The following PURG variants were observed in gnomAD, a reference collection of about 807,000 sequenced individuals.
PURG encodes purine rich element binding protein G.
In PURG, 3 loss-of-function variants were observed where a neutral mutation model predicts 24.3. The ratio of observed to expected loss-of-function variants is 0.12; its 90% CI spans 0.06 to 0.32. The LOEUF (loss-of-function observed/expected upper bound fraction) is 0.32, where lower values mean the gene tolerates loss of function less well. PURG is among the 10% of genes least tolerant of loss of function. The pLI is 1.00. For synonymous variants in PURG, 180 were observed against 173.1 expected (o/e 1.04, Z -0.31); for missense variants, 371 against 439.1 (o/e 0.84, Z 1.39).
chr8:31,024,413 T>G (rs898374166), intron 1 of PURG, among the ~76,000 whole-genome samples: 7 of 152,138 alleles, frequency 4.6e-5, no homozygotes, highest in African/African-American at 1.7e-4. Flanking sequence ...CCAACAGAAG[T>G]TGAATGATTT....
chr8:31,016,581 C>CAAAAAAAAAAAAAAAAAAAAAAAAAAAAA (rs11433207), intron 1 of PURG, among the ~76,000 whole-genome samples: 1 of 57,532 alleles, frequency 1.7e-5, no homozygotes, highest in African/African-American at 7.2e-5. Context: ...TACCAAGAAC[C>CAAAAAAAAAAAAAAAAAAAAAAAAAAAAA]AAAAAAAAAA....
At chr8:31,014,760 A>G (rs1416582163) in intron 1 of PURG, among the ~76,000 whole-genome samples, 3 of 152,228 alleles carry the variant, frequency 2.0e-5, no homozygotes, top group African/African-American at 7.2e-5. Context: ...GGAAAAAGCC[A>G]AGGAAATTCT....
intron 1 of PURG, among the ~76,000 whole-genome samples, chr8:31,008,425 T>C (rs964591206): frequency 6.6e-6 from 1 of 152,168 alleles, no homozygotes; most frequent in Non-Finnish European, 1.5e-5. Flanking sequence ...TGACTCAGCC[T>C]CCCGAGTAGC....
rs1811293924 is a variant in PURG at position 31,033,214 on chromosome 8, C to T, written c.-143G>A. 1.0e-5 allele frequency: 2 copies of T among 191,040 alleles called. No individual in the cohort carries two copies. The highest frequency in any genetic ancestry group is 2.4e-5 in the African/African-American group (1 of 41,902). The allele number at this position is 191,040 out of a possible 1,614,324, so 11.8% of individuals were successfully genotyped here. On this transcript the variant is annotated 5_prime_UTR_variant, in exon 1 of 2. Coordinates refer to ENST00000523392, the MANE Select transcript of PURG (RefSeq NM_001323311.2). ...TCCCCCGCCGCCGCCGCTCGCACTGCCCCCCGCCGGAGCAGCCGGGCAGGG... is the reference window on the plus strand; with the variant it reads ...TCCCCCGCCGCCGCCGCTCGCACTGTCCCCCGCCGGAGCAGCCGGGCAGGG...
Position 31,016,584 on chromosome 8 carries a change from A to C in PURG, c.864+15335T>G, listed in dbSNP as rs1418551884. Among the ~76,000 whole-genome samples, 6 of 138,058 alleles carry C rather than the reference A, an allele frequency of 4.3e-5. 1 individual carries two copies. Among genetic ancestry groups the C allele is most frequent in the Admixed American group, 7.8e-5 (1 of 12,794 alleles). 90.6% of individuals were successfully genotyped at this position (138,058 alleles called of 152,430 possible). A position where few individuals can be genotyped will look rare whatever the true frequency, so the allele number is the denominator to read the frequency against. On this transcript the variant is annotated intron_variant, in intron 1 of 1. Coordinates refer to the PURG transcript ENST00000339382. The stretch of plus-strand genomic sequence containing the variant: ...AGAATGCAAGTCTACCAAGAACCAA[A>C]AAAAAAAAAAAAAAAAAAAAAAAAA...
At chr8:31,010,328 G>A (rs557951115) in intron 1 of PURG, among the ~76,000 whole-genome samples, 5 of 152,138 alleles carry the variant, frequency 3.3e-5, no homozygotes, top group Non-Finnish European at 7.3e-5. Context: ...CTCAGGCAGG[G>A]AGTCTTAAGC....
chr8:31,011,834 G>A (rs1810770019), intron 1 of PURG, among the ~76,000 whole-genome samples: 1 of 152,172 alleles, frequency 6.6e-6, no homozygotes, highest in Non-Finnish European at 1.5e-5. Flanking sequence ...CATTGAATGA[G>A]TAGAGGAACA....
At position 31,004,693 on chromosome 8, in the gene PURG, A is replaced by AATAT. The variant is rs1189840361; in HGVS notation, c.865-8000_865-7997dup. Among the ~76,000 whole-genome samples, 3 of 152,168 alleles carry AATAT rather than the reference A, an allele frequency of 2.0e-5. No homozygotes were observed. In the East Asian group the frequency reaches 5.8e-4, roughly 29 times the overall value. The stretch of plus-strand genomic sequence containing the variant: ...GTCTCAAAAAAAAACAAAACAAAAG[A>AATAT]ATATCCTTAAATGGGATTATTTTTC... On this transcript the variant is annotated intron_variant, in intron 1 of 1. Transcript: ENST00000339382.
At chr8:31,027,753 AGT>A (rs1811116547), downstream of PURG, among the ~76,000 whole-genome samples, 1 of 151,754 alleles carries the variant, frequency 6.6e-6, no homozygotes, top group South Asian at 2.1e-4. Context: ...AGTGTTTCTC[AGT>A]AAAGTATTAT....
At chr8:31,002,921 C>T (rs777587686) in intron 1 of PURG, among the ~76,000 whole-genome samples, 12 of 152,136 alleles carry the variant, frequency 7.9e-5, no homozygotes, top group Admixed American at 3.9e-4. Context: ...ACAACCAAAA[C>T]GATAATGAAC....
chr8:31,006,667 A>G (rs1180314561), intron 1 of PURG, among the ~76,000 whole-genome samples: 1 of 152,194 alleles, frequency 6.6e-6, no homozygotes, highest in Non-Finnish European at 1.5e-5. Context: ...AAGACATCTA[A>G]AACATGTAAT....
intron 1 of PURG, among the ~76,000 whole-genome samples, chr8:31,007,146 A>G (rs1810668680): frequency 6.6e-6 from 1 of 152,240 alleles, no homozygotes; most frequent in Non-Finnish European, 1.5e-5. Context: ...ATCAACAAAA[A>G]GGACAGTCAT....
At chr8:31,021,830 G>A (rs1810996706) in intron 1 of PURG, among the ~76,000 whole-genome samples, 1 of 152,116 alleles carries the variant, frequency 6.6e-6, no homozygotes, top group South Asian at 2.1e-4. Context: ...AAGGGGCCCA[G>A]CTATGTCTAG....
intron 1 of PURG, among the ~76,000 whole-genome samples, chr8:31,016,858 C>T (rs891677630): frequency 1.3e-5 from 2 of 152,100 alleles, no homozygotes; most frequent in African/African-American, 4.8e-5. Flanking sequence ...GGTTAGAACT[C>T]ATTAGAAGCA....
intron 1 of PURG, among the ~76,000 whole-genome samples, chr8:31,004,659 C>A (rs1489312800): frequency 2.0e-5 from 3 of 151,836 alleles, no homozygotes; most frequent in Non-Finnish European, 4.4e-5. Context: ...GGCAACAGAG[C>A]AAGACTCTGT....
intron 1 of PURG, among the ~76,000 whole-genome samples, chr8:31,015,679 C>A (rs1177196349): frequency 1.3e-5 from 2 of 152,154 alleles, no homozygotes; most frequent in African/African-American, 2.4e-5. Context: ...CCAGTAATCA[C>A]TGCCCAGAAA....
downstream of PURG, among the ~76,000 whole-genome samples, chr8:31,026,180 T>C (rs1198560472): frequency 6.6e-6 from 1 of 151,894 alleles, no homozygotes; most frequent in African/African-American, 2.4e-5. Flanking sequence ...ACAGAATTAG[T>C]AAAAATTGAC....
chr8:31,007,522 A>G (rs543797521), intron 1 of PURG, among the ~76,000 whole-genome samples: 2 of 152,354 alleles, frequency 1.3e-5, no homozygotes, highest in East Asian at 3.9e-4. Context: ...CGTCTATATA[A>G]TCTCACTGAT....
chr8:31,012,848 C>T (rs1810789701), intron 1 of PURG, among the ~76,000 whole-genome samples: 1 of 152,196 alleles, frequency 6.6e-6, no homozygotes, highest in Admixed American at 6.5e-5. Context: ...AAACAAATTT[C>T]TGAATGATTG....
Sources: allele counts gnomAD v4.1 joint callset (sites outside exome capture counted in the v4.1 genomes callset), GRCh38; gene constraint gnomAD v4.1.1; transcripts MANE v1.5; gene names NCBI Gene and HGNC (gene_info 2026-07-23, HGNC 2026-07-21).